RABGAP1: variants seen among roughly 807,000 people sequenced by gnomAD.
RABGAP1 encodes the protein RAB GTPase activating protein 1.
In RABGAP1, 23 loss-of-function variants were observed where a neutral mutation model predicts 137.6. That is an observed-to-expected ratio of 0.17 (90% CI 0.12 to 0.24). The LOEUF is 0.24. Among genes scored for constraint, RABGAP1 ranks in the 10% least tolerant of loss-of-function variants. The pLI, the probability that RABGAP1 is intolerant of heterozygous loss-of-function variation, is 1.00. For missense variants in RABGAP1, 906 were observed against 1,275.8 expected (o/e 0.71, Z 4.42); for synonymous variants, 451 against 450.7 (o/e 1.00, Z -0.01).
chr9:123,080,892 C>T (rs1200585213), intron 19 of RABGAP1, among the ~76,000 whole-genome samples: 1 of 152,138 alleles, frequency 6.6e-6, no homozygotes, highest in Non-Finnish European at 1.5e-5. Flanking sequence ...ATGGTATGAA[C>T]CGCATGGGTC....
intron 12 of RABGAP1, among the ~76,000 whole-genome samples, chr9:123,019,686 T>G (rs537743731): frequency 2.7e-5 from 4 of 150,124 alleles, no homozygotes; most frequent in African/African-American, 9.8e-5. Flanking sequence ...TTTGCTCTTT[T>G]TTTGTTTGTT....
chr9:123,028,528 T>C (rs2032113772), intron 13 of RABGAP1, among the ~76,000 whole-genome samples: 1 of 152,144 alleles, frequency 6.6e-6, no homozygotes, highest in African/African-American at 2.4e-5. Context: ...TGGGGTGGGA[T>C]AGGGTGCTGC....
In RABGAP1 at chr9:122,990,226, AT is replaced by A. The variant is rs1269946258; in HGVS notation, c.923+17del. On this transcript the variant is annotated intron_variant, in intron 6 of 25. Transcript: ENST00000373647. ...AAGGTTATTTTAGGTAGGGAATCTTATTTTATTCATGTATTAACATGCTGTG... is the reference window on the plus strand; with the variant it reads ...AAGGTTATTTTAGGTAGGGAATCTTATTTATTCATGTATTAACATGCTGTG... 13 of 1,576,620 alleles carry A rather than the reference AT, an allele frequency of 8.2e-6. No homozygotes were observed. Among genetic ancestry groups the A allele is most frequent in the Non-Finnish European group, 1.1e-5 (13 of 1,149,864 alleles).
chr9:123,097,861 C>T lies in RABGAP1; in HGVS notation c.2733+16C>T. ...GTCTGCTCAGGTAAGGGAACTCTCC[C>T]ACATTCCTCTGTCTTGCAAATGCTT... is the stretch of plus-strand genomic sequence containing the variant. On this transcript the variant is annotated intron_variant, in intron 22 of 25. Coordinates refer to ENST00000373647, the MANE Select transcript of RABGAP1 (RefSeq NM_012197.4). 1 of 1,599,210 alleles carries T rather than the reference C, an allele frequency of 6.3e-7. No homozygotes were observed. Among genetic ancestry groups the T allele is most frequent in the Non-Finnish European group, 8.5e-7 (1 of 1,173,356 alleles).
At chr9:123,039,130 C>T (rs2032822189) in intron 13 of RABGAP1, among the ~76,000 whole-genome samples, 1 of 152,262 alleles carries the variant, frequency 6.6e-6, no homozygotes, top group African/African-American at 2.4e-5. Context: ...GTAAGGAAGC[C>T]ATACATCATG....
rs1833979360 is a variant in RABGAP1, at chr9:122,946,942, A to T, written c.-50+5849A>T. Among the ~76,000 whole-genome samples the T allele has an allele frequency of 2.0e-5, 3 of 152,164 alleles. 1 individual carries two copies. In the South Asian group the frequency reaches 6.2e-4, roughly 31 times the overall value. The stretch of plus-strand genomic sequence containing the variant: ...TGGGGAGAGTATGAACTTTGGGGTG[A>T]GAAAGACATGGATATCCCAAGTCTC... On this transcript the variant is annotated intron_variant, in intron 1 of 25. Coordinates refer to ENST00000373647, the MANE Select transcript of RABGAP1 (RefSeq NM_012197.4).
chr9:123,074,153 A>C (rs2034443486), intron 16 of RABGAP1, 132 bp from the exon 17 acceptor site: 1 of 1,069,852 alleles, frequency 9.3e-7, no homozygotes, highest in Non-Finnish European at 1.3e-6. Context: ...AAGTGTTCTA[A>C]GCACTTTGGA....
chr9:123,059,700 A>G (rs1226011463), intron 13 of RABGAP1, among the ~76,000 whole-genome samples: 2 of 152,342 alleles, frequency 1.3e-5, no homozygotes, highest in East Asian at 3.9e-4. Flanking sequence ...GAAGAGACCT[A>G]GAGAGCTGCC....
chr9:122,944,872 C>G (rs10985831), intron 1 of RABGAP1, among the ~76,000 whole-genome samples: 1 of 151,996 alleles, frequency 6.6e-6, no homozygotes, highest in Non-Finnish European at 1.5e-5. Context: ...CCACCGCGCC[C>G]GGCCTAAATA....
rs2131832906 is a variant in RABGAP1, at chr9:123,000,719, G to T, written c.1374+1953G>T. Among the ~76,000 whole-genome samples the T allele has an allele frequency of 1.3e-5, 2 of 150,176 alleles. 1 individual carries two copies. Among genetic ancestry groups the T allele is most frequent in the Middle Eastern group, 6.8e-3 (2 of 292 alleles). ...AATATAGATGGGGATTTGCCATGTT[G>T]TCCAGGCTGGTCTTGACCTCCTGGG... On this transcript the variant is annotated intron_variant, in intron 10 of 25. Coordinates refer to ENST00000373647, the MANE Select transcript of RABGAP1 (RefSeq NM_012197.4).
intron 13 of RABGAP1, among the ~76,000 whole-genome samples, chr9:123,040,930 G>A (rs550092079): frequency 1.3e-5 from 2 of 152,164 alleles, no homozygotes; most frequent in Admixed American, 1.3e-4. Context: ...CAGCCCAGTG[G>A]CCACTGGGTT....
At chr9:123,051,082 A>T (rs1388552235) in intron 13 of RABGAP1, among the ~76,000 whole-genome samples, 1 of 150,852 alleles carries the variant, frequency 6.6e-6, no homozygotes, top group Non-Finnish European at 1.5e-5. Context: ...GAAGAAAAAA[A>T]CTCAGAACAT....
At chr9:123,096,568 C>CT (rs1045308231) in intron 21 of RABGAP1, among the ~76,000 whole-genome samples, 5 of 152,230 alleles carry the variant, frequency 3.3e-5, no homozygotes, top group African/African-American at 1.2e-4. Context: ...TCAGTTCCAC[C>CT]TTTTTTTCTC....
At chr9:123,010,592 G>GT in intron 11 of RABGAP1, 64 bp downstream of exon 11, 7 of 1,437,346 alleles carry the variant, frequency 4.9e-6, no homozygotes, top group Non-Finnish European at 5.8e-6. Context: ...TATTAAAATC[G>GT]TATCAGGGGA....
intron 21 of RABGAP1, among the ~76,000 whole-genome samples, chr9:123,094,341 T>G (rs1468917736): frequency 6.6e-6 from 1 of 152,232 alleles, no homozygotes; most frequent in Non-Finnish European, 1.5e-5. Context: ...GTAGAGTAGG[T>G]TGAGGAAATA....
intron 13 of RABGAP1, among the ~76,000 whole-genome samples, chr9:123,030,241 G>A (rs193204051): frequency 4.3e-4 from 66 of 152,274 alleles, no homozygotes; most frequent in African/African-American, 1.3e-3. Context: ...CTGTCTGAAG[G>A]AATGTTGCTC....
intron 21 of RABGAP1, among the ~76,000 whole-genome samples, chr9:123,092,394 A>G (rs1354210713): frequency 6.6e-6 from 1 of 152,196 alleles, no homozygotes; most frequent in Non-Finnish European, 1.5e-5. Context: ...TAAGCATTTT[A>G]CTAAACTTTG....
At chr9:122,933,046 C>T in the RABGAP1 span, among the ~76,000 whole-genome samples, 1 of 152,244 alleles carries the variant, frequency 6.6e-6, no homozygotes, top group African/African-American at 2.4e-5. Flanking sequence ...AATGTGTATT[C>T]TGCTCTTGCT....
intron 6 of RABGAP1, 50 bp from the exon 7 acceptor site, chr9:122,995,991 A>G (rs1436069337): frequency 1.9e-6 from 3 of 1,547,168 alleles, no homozygotes; most frequent in Non-Finnish European, 2.6e-6. Context: ...TGGTTCTAGT[A>G]TGTGACAAGA....
Sources: gnomAD v4.1 joint callset for allele counts (sites outside exome capture counted in the v4.1 genomes callset) on GRCh38, gnomAD v4.1.1 for gene constraint, MANE v1.5 for transcripts, NCBI Gene and HGNC (gene_info 2026-07-23, HGNC 2026-07-21) for gene names.